Variants in SH3KBP1 observed in about 807,000 individuals in gnomAD.
SH3KBP1 encodes SH3 domain-containing kinase-binding protein 1.
Under a neutral mutation model 50.1 loss-of-function variants are expected in SH3KBP1, and 8 were observed. The ratio of observed to expected loss-of-function variants is 0.16; its 90% CI spans 0.09 to 0.29. SH3KBP1 has a LOEUF of 0.29. Ranked by LOEUF, SH3KBP1 falls within the 10% of genes least tolerant of loss-of-function variation. SH3KBP1 has a pLI of 1.00. For missense variants in SH3KBP1, 377 were observed against 535.2 expected (o/e 0.70, Z 2.92); for synonymous variants, 227 against 218.6 (o/e 1.04, Z -0.34).
In SH3KBP1 at chrX:19,742,437, G is replaced by C. The variant is rs151244964; in HGVS notation, c.286+3881C>G. Among the ~76,000 whole-genome samples, 51 of 111,587 alleles carry C rather than the reference G, an allele frequency of 4.6e-4. No homozygotes were observed. The East Asian group carries it at 9.5e-3, about 21-fold the overall frequency. On this transcript the variant is annotated intron_variant, in intron 3 of 17. Transcript: ENST00000397821. ...TTTCATTTTTAATTCAAGTAGGTAAGAGTCTATATTCAAATGGACAAAAAT... is the reference window on the plus strand; with the variant it reads ...TTTCATTTTTAATTCAAGTAGGTAACAGTCTATATTCAAATGGACAAAAAT...
At chrX:19,841,141 T>C (rs1002200385) in intron 1 of SH3KBP1, among the ~76,000 whole-genome samples, 1 of 111,931 alleles carries the variant, frequency 8.9e-6, no homozygotes, top group Non-Finnish European at 1.9e-5. Context: ...CAGGGCCAGC[T>C]TCTCACTATG....
chrX:19,668,380 G>A (rs1363739772), intron 6 of SH3KBP1, among the ~76,000 whole-genome samples: 2 of 107,893 alleles, frequency 1.9e-5, no homozygotes, highest in African/African-American at 3.4e-5. Context: ...GGTGGCGGGC[G>A]CCTATAGTCC....
intron 13 of SH3KBP1, among the ~76,000 whole-genome samples, chrX:19,564,574 C>T (rs1466272662): frequency 2.7e-5 from 3 of 110,177 alleles, no homozygotes; most frequent in South Asian, 4.0e-4. Flanking sequence ...CTCTCTCCCC[C>T]CCCTTCCTCT....
At chrX:19,574,402 A>G (rs1295887603) in intron 12 of SH3KBP1, among the ~76,000 whole-genome samples, 2 of 112,641 alleles carry the variant, frequency 1.8e-5, no homozygotes, top group Non-Finnish European at 3.7e-5. Context: ...GGCCTTGTAC[A>G]CGTTAGGAAA....
chrX:19,618,927 C>T (rs1483664785), intron 8 of SH3KBP1, among the ~76,000 whole-genome samples: 2 of 107,831 alleles, frequency 1.9e-5, no homozygotes, highest in Non-Finnish European at 3.8e-5. Context: ...GATCACACCA[C>T]CACACTCCAG....
At chrX:19,622,200 G>A (rs775630596) in intron 8 of SH3KBP1, among the ~76,000 whole-genome samples, 1 of 111,780 alleles carries the variant, frequency 8.9e-6, no homozygotes, top group East Asian at 2.8e-4. Flanking sequence ...ATGAATATAA[G>A]GTATTTTTAT....
chrX:19,823,246 A>G (rs1166441982), intron 2 of SH3KBP1, among the ~76,000 whole-genome samples: 1 of 111,571 alleles, frequency 9.0e-6, no homozygotes, highest in Non-Finnish European at 1.9e-5. Flanking sequence ...CCCATTTTTT[A>G]TCTCACAGTT....
intron 12 of SH3KBP1, among the ~76,000 whole-genome samples, chrX:19,583,125 C>T (rs868345945): frequency 1.1e-5 from 1 of 95,163 alleles, no homozygotes; most frequent in Non-Finnish European, 2.1e-5. Flanking sequence ...TGCTAATACA[C>T]ATTATTATTA....
chrX:19,825,876 AAAAC>A (rs1303299165), intron 2 of SH3KBP1, among the ~76,000 whole-genome samples: 1 of 111,598 alleles, frequency 9.0e-6, no homozygotes, highest in Non-Finnish European at 1.9e-5. Context: ...TCAATCTCAA[AAAAC>A]AAACAAACAA....
intron 1 of SH3KBP1, among the ~76,000 whole-genome samples, chrX:19,839,335 C>A (rs865905246): frequency 3.9e-5 from 4 of 101,308 alleles, no homozygotes; most frequent in African/African-American, 1.5e-4. Flanking sequence ...AAAAAAAAAA[C>A]AAAATTTTTT....
At chrX:19,870,611 G>A (rs989868293) in intron 1 of SH3KBP1, among the ~76,000 whole-genome samples, 2 of 112,019 alleles carry the variant, frequency 1.8e-5, no homozygotes, top group African/African-American at 6.5e-5. Context: ...CTACCAAAGT[G>A]CTGGGATTAG....
At chrX:19,702,241 A>G (rs1384255197) in intron 4 of SH3KBP1, among the ~76,000 whole-genome samples, 1 of 112,113 alleles carries the variant, frequency 8.9e-6, no homozygotes, top group Non-Finnish European at 1.9e-5. Context: ...CTTTGAATAA[A>G]CTTGACTTCT....
intron 8 of SH3KBP1, among the ~76,000 whole-genome samples, chrX:19,612,767 C>T (rs774504227): frequency 4.5e-5 from 5 of 111,730 alleles, no homozygotes; most frequent in Non-Finnish European, 9.4e-5. Flanking sequence ...GAGGCAGACA[C>T]AGTGAATCAG....
At chrX:19,782,963 A>G (rs2066227357) in intron 2 of SH3KBP1, among the ~76,000 whole-genome samples, 1 of 111,661 alleles carries the variant, frequency 9.0e-6, no homozygotes, top group Non-Finnish European at 1.9e-5. Flanking sequence ...AACAACAACA[A>G]AAATCAGCCA....
intron 2 of SH3KBP1, among the ~76,000 whole-genome samples, chrX:19,800,872 C>G (rs2066870094): frequency 9.0e-6 from 1 of 111,545 alleles, no homozygotes; most frequent in Non-Finnish European, 1.9e-5. Context: ...AGAGGATCAC[C>G]TTGCTTGCAT....
At chrX:19,736,564 G>C (rs1447834798) in intron 3 of SH3KBP1, among the ~76,000 whole-genome samples, 1 of 112,382 alleles carries the variant, frequency 8.9e-6, no homozygotes, top group Non-Finnish European at 1.9e-5. Context: ...CTTCTGGCTG[G>C]TCTCTCTTTC....
chrX:19,799,279 T>C (rs1157331787), intron 2 of SH3KBP1, among the ~76,000 whole-genome samples: 1 of 111,240 alleles, frequency 9.0e-6, no homozygotes, highest in African/African-American at 3.3e-5. Context: ...CTGTGTGCCG[T>C]GTCCCCTGGA....
At chrX:19,752,827 T>TG (rs35015402) in intron 2 of SH3KBP1, among the ~76,000 whole-genome samples, 2 of 112,161 alleles carry the variant, frequency 1.8e-5, no homozygotes, top group Admixed American at 1.9e-4. Flanking sequence ...AGCTAGTGCT[T>TG]GGGTATTTTA....
intron 13 of SH3KBP1, among the ~76,000 whole-genome samples, chrX:19,552,924 G>C (rs1208937974): frequency 9.1e-6 from 1 of 110,025 alleles, no homozygotes; most frequent in Non-Finnish European, 1.9e-5. Context: ...GTGACTGAAG[G>C]GTGTTCCAGG....
Sources: allele counts gnomAD v4.1 joint callset (sites outside exome capture counted in the v4.1 genomes callset), GRCh38; gene constraint gnomAD v4.1.1; transcripts MANE v1.5; gene names NCBI Gene and HGNC (gene_info 2026-07-23, HGNC 2026-07-21).